Variants in PDGFB observed in about 807,000 individuals in gnomAD.
PDGFB encodes platelet derived growth factor subunit B.
In PDGFB, 6 loss-of-function variants were observed where a neutral mutation model predicts 29.0. The ratio of observed to expected loss-of-function variants is 0.21; its 90% confidence interval spans 0.11 to 0.41. The LOEUF is 0.41. PDGFB is among the 10% of genes least tolerant of loss of function. The probability of loss-of-function intolerance (pLI) is 1.00; values close to 1 mark genes in which losing one functional copy is unlikely to be tolerated. For missense variants in PDGFB, 299 were observed against 341.8 expected (o/e 0.87, Z 0.99); for synonymous variants, 144 against 140.8 (o/e 1.02, Z -0.16).
At position 39,224,817 on chromosome 22, in the gene PDGFB, G is replaced by GCCCA; in HGVS notation, c.*524_*525insTGGG. On this transcript the variant is annotated 3_prime_UTR_variant, in exon 7 of 7. Coordinates refer to ENST00000331163, the MANE Select transcript of PDGFB (RefSeq NM_002608.4). ...ACTGGTGTTTGGGCACCGTGGGAGG[G>GCCCA]GTTTTCTCCAGTCTGTGTGCCCGTC... is the stretch of plus-strand genomic sequence containing the variant. 6.6e-6 allele frequency: 1 copy of GCCCA among 152,524 alleles called. No homozygotes were observed. The highest frequency in any genetic ancestry group is 1.9e-4 in the East Asian group (1 of 5,322). 9.4% of individuals were successfully genotyped at this position (152,524 alleles called of 1,614,324 possible). A position where few individuals can be genotyped will look rare whatever the true frequency, so the allele number is the denominator to read the frequency against.
chr22:39,236,659 G>A (rs903478054), intron 1 of PDGFB, among the ~76,000 whole-genome samples: 3 of 152,110 alleles, frequency 2.0e-5, no homozygotes, highest in Non-Finnish European at 4.4e-5. Flanking sequence ...AATGACACAA[G>A]AGCAGCCCCG....
At chr22:39,228,907 T>C (rs1932232422) in intron 5 of PDGFB, among the ~76,000 whole-genome samples, 1 of 144,002 alleles carries the variant, frequency 6.9e-6, no homozygotes, top group Non-Finnish European at 1.5e-5. Flanking sequence ...TATATATATA[T>C]AGATATATAT....
intron 1 of PDGFB, chr22:39,241,115 T>G: frequency 1.7e-6 from 1 of 583,470 alleles, no homozygotes; most frequent in Non-Finnish European, 3.1e-6. Flanking sequence ...CCTTCACTCT[T>G]TCCCGGAAGA....
chr22:39,230,021 G>C (rs1157943837), intron 5 of PDGFB, 63 bp downstream of exon 5: 4 of 1,560,176 alleles, frequency 2.6e-6, no homozygotes, highest in African/African-American at 2.7e-5. Context: ...TTTTAAGACC[G>C]GCCCCTGCCC....
intron 5 of PDGFB, 81 bp downstream of exon 5, chr22:39,230,003 A>C: frequency 6.6e-7 from 1 of 1,507,948 alleles, no homozygotes. Context: ...GCCTGATCCC[A>C]TTTCCATTTT....
chr22:39,235,328 AT>A (rs1932415668), intron 2 of PDGFB, among the ~76,000 whole-genome samples: 1 of 152,192 alleles, frequency 6.6e-6, no homozygotes, highest in African/African-American at 2.4e-5. Flanking sequence ...GCACGTGCCC[AT>A]TCGCTGAGTG....
intron 1 of PDGFB, chr22:39,241,144 G>A (rs1429632872): frequency 5.4e-6 from 3 of 551,610 alleles, no homozygotes; most frequent in Non-Finnish European, 9.8e-6. Flanking sequence ...GAGGCCAGAC[G>A]CGTCACGTGA....
chr22:39,244,191 G>A lies in PDGFB; in HGVS notation c.-228C>T. ...GGGGAGGACCTGGGCGCAGGACCTG[G>A]GTCCGAGGCCGCTACCTGGGCGGAT... is the stretch of plus-strand genomic sequence containing the variant. On this transcript the variant is annotated 5_prime_UTR_variant, in exon 1 of 7. Coordinates refer to ENST00000331163, the MANE Select transcript of PDGFB (RefSeq NM_002608.4). This position sits in a 1 kb window ranked among gnomAD's most constrained non-coding sequence, Gnocchi z 4.5. 2 of 276,464 alleles carry A rather than the reference G, an allele frequency of 7.2e-6. No individual in the cohort carries two copies. The highest frequency in any genetic ancestry group is 1.4e-5 in the Non-Finnish European group (2 of 147,622). The allele number at this position is 276,464 out of a possible 1,614,324, so 17.1% of individuals were successfully genotyped here. A position where few individuals can be genotyped will look rare whatever the true frequency, so the allele number is the denominator to read the frequency against.
At position 39,243,270 on chromosome 22, in the gene PDGFB, CTCTT is replaced by C. The variant is rs774327333; in HGVS notation, c.63+627_63+630del. On this transcript the variant is annotated intron_variant, in intron 1 of 6. Coordinates refer to ENST00000331163, the MANE Select transcript of PDGFB (RefSeq NM_002608.4). The surrounding 1 kb of genome is among the most constrained non-coding windows in gnomAD (Gnocchi z 6.4). ...TCTCTCCGTCTCTCTCTCTCTCTCT[CTCTT>C]TCTCTCTCTCTCTCTCTCTCTCCCT... Among the ~76,000 whole-genome samples, 380 of 140,962 alleles carry C rather than the reference CTCTT, an allele frequency of 2.7e-3. 2 individuals carry two copies. Among genetic ancestry groups the C allele is most frequent in the East Asian group, 4.6e-3 (21 of 4,570 alleles). The allele number at this position is 140,962 out of a possible 152,430, so 92.5% of individuals were successfully genotyped here.
intron 4 of PDGFB, 29 bp from the exon 5 acceptor site, chr22:39,230,257 G>A (rs199785704): frequency 3.1e-6 from 5 of 1,612,056 alleles, no homozygotes; most frequent in Non-Finnish European, 3.4e-6. Flanking sequence ...AAATGCCTCT[G>A]TAGAGACCAC....
Position 39,233,511 on chromosome 22 carries a change from G to C in PDGFB, c.174C>G (p.Ala58=), listed in dbSNP as rs143160268. 1.3e-6 allele frequency: 2 copies of C among 1,587,954 alleles called. No individual in the cohort carries two copies. The highest frequency in any genetic ancestry group is 1.4e-5 in the African/African-American group (1 of 73,036). ...LHGDPGEEDG[A]ELDLNMTRSH... ...AGCGGGTCATGTTCAGGTCCAACTC[G>C]GCCCCATCTTCCTCTGCAGGAGAAG... The change falls in exon 3 of 7, where the codon GCC becomes GCG. Residue 58 remains alanine, a synonymous_variant. Coordinates refer to ENST00000331163, the MANE Select transcript of PDGFB (RefSeq NM_002608.4).
At position 39,244,406 on chromosome 22, in the gene PDGFB, T is replaced by G. The variant is rs1233062605; in HGVS notation, c.-443A>C. 1.1e-5 allele frequency: 2 copies of G among 185,640 alleles called. No individual in the cohort carries two copies. Among genetic ancestry groups the G allele is most frequent in the Non-Finnish European group, 2.3e-5 (2 of 87,412 alleles). The allele number at this position is 185,640 out of a possible 1,614,324, so 11.5% of individuals were successfully genotyped here. ...GCCGGCTTAGCTTTTTTGCAACATT[T>G]TCTGGAAAGGCCCCCAAAATCGGAA... is the stretch of plus-strand genomic sequence containing the variant. On this transcript the variant is annotated 5_prime_UTR_variant, in exon 1 of 7. Transcript: ENST00000331163. This position sits in a 1 kb window ranked among gnomAD's most constrained non-coding sequence, Gnocchi z 4.5.
chr22:39,237,551 C>T (rs556831464), intron 1 of PDGFB, among the ~76,000 whole-genome samples: 16 of 152,318 alleles, frequency 1.1e-4, no homozygotes, highest in Admixed American at 7.8e-4. Flanking sequence ...CCATCTCCTC[C>T]GGGCTCTGCC....
intron 5 of PDGFB, among the ~76,000 whole-genome samples, chr22:39,228,915 TA>T (rs953713587): frequency 7.4e-5 from 11 of 148,672 alleles, no homozygotes; most frequent in African/African-American, 2.7e-4. Context: ...TATAGATATA[TA>T]TAATTTTCCC....
rs753784926 is a variant in PDGFB at position 39,225,786 on chromosome 22, G to A, written c.663C>T (p.Gly221=). The part of the protein sequence containing the change: ...RTVRVRRPPK[G]KHRKFKHTHD... ...GCGTGTGCTTGAATTTCCGGTGCTTGCCCTTGGGGGGCCGGCGGACTCGCA... is the reference window on the plus strand; with the variant it reads ...GCGTGTGCTTGAATTTCCGGTGCTTACCCTTGGGGGGCCGGCGGACTCGCA... The change falls in exon 6 of 7, where the codon GGC becomes GGT. Residue 221 remains glycine, a synonymous_variant. Transcript: ENST00000331163. 1.9e-6 allele frequency: 3 copies of A among 1,614,024 alleles called. No individual in the cohort carries two copies. The African/African-American group carries it at 4.0e-5, about 22-fold the overall frequency.
intron 2 of PDGFB, among the ~76,000 whole-genome samples, chr22:39,234,220 C>T (rs1441713926): frequency 2.0e-5 from 3 of 152,188 alleles, no homozygotes; most frequent in African/African-American, 7.2e-5. Flanking sequence ...CCACCTCTGC[C>T]CCCAGCCGTC....
At chr22:39,229,505 A>G (rs1932245090) in intron 5 of PDGFB, among the ~76,000 whole-genome samples, 1 of 152,204 alleles carries the variant, frequency 6.6e-6, no homozygotes, top group African/African-American at 2.4e-5. Context: ...CAAGGATACG[A>G]GAAATTCGTT....
At chr22:39,236,413 T>C (rs933832869) in intron 1 of PDGFB, among the ~76,000 whole-genome samples, 1 of 152,336 alleles carries the variant, frequency 6.6e-6, no homozygotes, top group African/African-American at 2.4e-5. Flanking sequence ...CAGAGTGCGA[T>C]GGCCTCAGGA....
chr22:39,242,143 CGTTT>C lies in PDGFB; in HGVS notation c.63+1754_63+1757del, dbSNP rs1043500691. On this transcript the variant is annotated intron_variant, in intron 1 of 6. Coordinates refer to ENST00000331163, the MANE Select transcript of PDGFB (RefSeq NM_002608.4). This position sits in a 1 kb window ranked among gnomAD's most constrained non-coding sequence, Gnocchi z 5.7. The stretch of plus-strand genomic sequence containing the variant: ...GCCGCGCGTGCAGGGGCCGTGCGTG[CGTTT>C]GTGTGCGGTGCGCGCGCGTGTGTCC... 1.3e-5 allele frequency: 3 copies of C among 222,566 alleles called. No individual in the cohort carries two copies. The highest frequency in any genetic ancestry group is 2.2e-5 in the African/African-American group (1 of 44,660). 13.8% of individuals were successfully genotyped at this position (222,566 alleles called of 1,614,324 possible).
Sources: gnomAD v4.1 joint callset for allele counts (sites outside exome capture counted in the v4.1 genomes callset) on GRCh38, gnomAD v4.1.1 for gene constraint, Gnocchi (gnomAD v3.1) non-coding constraint, MANE v1.5 for transcripts, NCBI Gene and HGNC (gene_info 2026-07-23, HGNC 2026-07-21) for gene names.